Variants in NUP85 observed in about 807,000 individuals in gnomAD.
The protein encoded by NUP85 is nucleoporin 85, also known as nuclear pore complex protein Nup85.
In NUP85, 23 loss-of-function variants were observed where a neutral mutation model predicts 92.8. The observed-to-expected ratio is 0.25, with a 90% CI of 0.18 to 0.35. NUP85 has a LOEUF of 0.35. Ranked by LOEUF, NUP85 falls within the 10% of genes least tolerant of loss-of-function variation. The pLI, the probability that NUP85 is intolerant of heterozygous loss-of-function variation, is 1.00. For missense variants in NUP85, 759 were observed against 822.8 expected (o/e 0.92, Z 0.95); for synonymous variants, 314 against 306.9 (o/e 1.02, Z -0.24).
Position 75,226,813 on chromosome 17 carries a change from C to G in NUP85, c.1094+656C>G, listed in dbSNP as rs1475336304. ...TTAAAATCTAGAAAAAGCCAGCAAG[C>G]CTGTTTCTTGGCACCTAATGGACAC... is the stretch of plus-strand genomic sequence containing the variant. On this transcript the variant is annotated intron_variant, in intron 11 of 18. Coordinates refer to ENST00000245544, the MANE Select transcript of NUP85 (RefSeq NM_024844.5). 1.0e-4 allele frequency: 44 copies of G among 439,058 alleles called. No individual in the cohort carries two copies. The Admixed American group carries it at 1.1e-3, about 11-fold the overall frequency. The allele number at this position is 439,058 out of a possible 1,614,324, so 27.2% of individuals were successfully genotyped here.
intron 1 of NUP85, among the ~76,000 whole-genome samples, chr17:75,206,518 A>C (rs2075085832): frequency 6.6e-6 from 1 of 152,008 alleles, no homozygotes; most frequent in Non-Finnish European, 1.5e-5. Flanking sequence ...TCACTAGTTA[A>C]AGAGGAAGGA....
At chr17:75,212,153 AGTTT>A in intron 4 of NUP85, 91 bp downstream of exon 4, 1 of 816,774 alleles carries the variant, frequency 1.2e-6, no homozygotes, top group Non-Finnish European at 1.9e-6. Flanking sequence ...TGTGAGGTAA[AGTTT>A]GATTGATATT....
chr17:75,209,790 G>A, intron 2 of NUP85, 33 bp from the exon 3 acceptor site: 2 of 1,553,726 alleles, frequency 1.3e-6, no homozygotes, highest in South Asian at 2.4e-5. Context: ...GATCATAATA[G>A]ATGTTAAATT....
Position 75,209,826 on chromosome 17 carries a change from A to G in NUP85, c.131A>G (p.Lys44Arg), listed in dbSNP as rs368657294. The G allele has an allele frequency of 1.0e-5, 16 of 1,576,916 alleles. No individual in the cohort carries two copies. The highest frequency in any genetic ancestry group is 2.1e-5 in the Admixed American group (1 of 48,386). ...VCETSFNKKE[K>R]SEMVPSCPFI... ...TTTTTTTTCTGTTTGGTTTCAGAAA[A>G]ATCAGAGATGGTGCCAAGTTGCCCC... is the stretch of plus-strand genomic sequence containing the variant. The change falls in exon 3 of 19, where the codon AAA becomes AGA. Residue 44 changes from lysine (K) to arginine (R), a missense_variant. By Grantham distance (26) the Lys-to-Arg change is conservative. Transcript: ENST00000245544.
At chr17:75,228,272 G>A in intron 11 of NUP85, 1 of 985,430 alleles carries the variant, frequency 1.0e-6, no homozygotes, top group East Asian at 1.1e-4. Flanking sequence ...GTACCATGAA[G>A]AGGGGTGAAC....
rs555503834 is a variant in NUP85 at position 75,212,087 on chromosome 17, C to CGTGT, written c.361+45_361+48dup. The CGTGT allele has an allele frequency of 3.3e-6, 4 of 1,203,404 alleles. No individual in the cohort carries two copies. In the African/African-American group the frequency reaches 5.1e-5, roughly 15 times the overall value. The allele number at this position is 1,203,404 out of a possible 1,614,324, so 74.5% of individuals were successfully genotyped here. A position where few individuals can be genotyped will look rare whatever the true frequency, so the allele number is the denominator to read the frequency against. On this transcript the variant is annotated intron_variant, in intron 4 of 18. Transcript: ENST00000245544. ...AGTAAGGACTGTGTGCGCGTGCGCG[C>CGTGT]GTGTGTGTGTGTGTGTGTGTGTGGG...
intron 16 of NUP85, among the ~76,000 whole-genome samples, chr17:75,233,899 A>G (rs1422178987): frequency 2.7e-5 from 4 of 147,610 alleles, no homozygotes; most frequent in Non-Finnish European, 4.5e-5. Context: ...CGCCCCGCCT[A>G]ATTTTTGTAT....
At chr17:75,232,317 G>A (rs1188776613) in intron 14 of NUP85, among the ~76,000 whole-genome samples, 1 of 152,194 alleles carries the variant, frequency 6.6e-6, no homozygotes, top group Non-Finnish European at 1.5e-5. Context: ...CTGGCTCAAT[G>A]GGGAAGCAGT....
At position 75,234,624 on chromosome 17, in the gene NUP85, T is replaced by C; in HGVS notation, c.1616-13T>C. ...GAATATGCAGGTTACTCAGTGCTCT[T>C]GTTTCGCCATAGGAAAGTATCGCGA... On this transcript the variant is annotated splice_polypyrimidine_tract_variant and intron_variant, in intron 16 of 18. Transcript: ENST00000245544. 2 of 1,613,552 alleles carry C rather than the reference T, an allele frequency of 1.2e-6. No homozygotes were observed. Among genetic ancestry groups the C allele is most frequent in the African/African-American group, 1.3e-5 (1 of 75,044 alleles).
intron 7 of NUP85, among the ~76,000 whole-genome samples, chr17:75,221,174 C>T (rs2075588855): frequency 1.3e-5 from 2 of 151,938 alleles, no homozygotes; most frequent in African/African-American, 4.8e-5. Context: ...GCCGCCACGC[C>T]CGGCTAACCC....
At chr17:75,222,841 C>A (rs1335482936) in intron 7 of NUP85, among the ~76,000 whole-genome samples, 2 of 151,930 alleles carry the variant, frequency 1.3e-5, no homozygotes, top group Non-Finnish European at 2.9e-5. Flanking sequence ...CAAGACCATC[C>A]TGGCTAACAC....
intron 11 of NUP85, among the ~76,000 whole-genome samples, chr17:75,230,557 C>T (rs1598339478): frequency 6.6e-6 from 1 of 152,074 alleles, no homozygotes; most frequent in Non-Finnish European, 1.5e-5. Flanking sequence ...GATGGGGTTT[C>T]ACCGTGTTAG....
In NUP85 at chr17:75,231,998, C is replaced by T. The variant is rs1242049113; in HGVS notation, c.1396+19C>T. 2 of 1,613,454 alleles carry T rather than the reference C, an allele frequency of 1.2e-6. No individual in the cohort carries two copies. Among genetic ancestry groups the T allele is most frequent in the Admixed American group, 1.7e-5 (1 of 59,984 alleles). ...GAACAAGGTGAGCTGGCCCTGCTCC[C>T]AGCCTACTGTCTGTGGGACGCAGGA... On this transcript the variant is annotated intron_variant, in intron 14 of 18. Coordinates refer to ENST00000245544, the MANE Select transcript of NUP85 (RefSeq NM_024844.5). The surrounding 1 kb of genome is among the most constrained non-coding windows in gnomAD (Gnocchi z 4.6).
intron 16 of NUP85, among the ~76,000 whole-genome samples, chr17:75,233,994 A>T (rs1157989220): frequency 1.3e-5 from 2 of 151,354 alleles, no homozygotes; most frequent in Admixed American, 6.6e-5. Flanking sequence ...TCGGCCTCCC[A>T]AAGTGCTGGG....
At chr17:75,228,273 AG>A (rs1479201167) in intron 11 of NUP85, 26 of 985,292 alleles carry the variant, frequency 2.6e-5, no homozygotes, top group African/African-American at 3.5e-5. Flanking sequence ...TACCATGAAG[AG>A]GGGTGAACAA....
At chr17:75,233,586 T>C (rs1440511625) in intron 16 of NUP85, among the ~76,000 whole-genome samples, 1 of 151,254 alleles carries the variant, frequency 6.6e-6, no homozygotes, top group Non-Finnish European at 1.5e-5. Context: ...CACACCTGGC[T>C]AATTTTTGTA....
At position 75,227,607 on chromosome 17, in the gene NUP85, C is replaced by T. The variant is rs563854965; in HGVS notation, c.1094+1450C>T. 2.0e-5 allele frequency among the ~76,000 whole-genome samples: 3 copies of T among 151,414 alleles called. No homozygotes were observed. In the South Asian group the frequency reaches 6.2e-4, roughly 32 times the overall value. ...CTGCCCATCTCGGCCTCCCAAAGTG[C>T]TGGGATTACAGGCGTGAGCCACCGC... On this transcript the variant is annotated intron_variant, in intron 11 of 18. Coordinates refer to ENST00000245544, the MANE Select transcript of NUP85 (RefSeq NM_024844.5).
chr17:75,231,561 G>A lies in NUP85; in HGVS notation c.1179-12G>A. 5.0e-6 allele frequency: 8 copies of A among 1,614,184 alleles called. No individual in the cohort carries two copies. The highest frequency in any genetic ancestry group is 6.8e-6 in the Non-Finnish European group (8 of 1,180,006). On this transcript the variant is annotated splice_polypyrimidine_tract_variant and intron_variant, in intron 12 of 18. Transcript: ENST00000245544. This position sits in a 1 kb window ranked among gnomAD's most constrained non-coding sequence, Gnocchi z 4.6. Reference sequence around the variant, plus strand: ...GCCAGGAGTCTTGGTCTTTTGTTATGTTTTATTCCAGTTTCGGTTCCAACA... The same window carrying A: ...GCCAGGAGTCTTGGTCTTTTGTTATATTTTATTCCAGTTTCGGTTCCAACA...
chr17:75,208,728 G>C (rs2075166102), intron 2 of NUP85, 108 bp downstream of exon 2: 3 of 745,148 alleles, frequency 4.0e-6, no homozygotes, highest in Admixed American at 2.3e-5. Context: ...AATTTATTTT[G>C]TACTATTTTA....
Sources: gnomAD v4.1 joint callset for allele counts (sites outside exome capture counted in the v4.1 genomes callset) on GRCh38, gnomAD v4.1.1 for gene constraint, Gnocchi (gnomAD v3.1) non-coding constraint, MANE v1.5 for transcripts, NCBI Gene and HGNC (gene_info 2026-07-23, HGNC 2026-07-21) for gene names.